TGFBR3: variants seen among roughly 807,000 people sequenced by gnomAD.
TGFBR3 encodes transforming growth factor beta receptor type 3.
In TGFBR3, 46 loss-of-function variants were observed where a neutral mutation model predicts 87.9. The ratio of observed to expected loss-of-function variants is 0.52; its 90% CI spans 0.41 to 0.67. TGFBR3 has a LOEUF of 0.67. TGFBR3 is among the 30% of genes least tolerant of loss of function. TGFBR3 has a pLI of 0.00. For missense variants in TGFBR3, 866 were observed against 1,041.9 expected (o/e 0.83, Z 2.32); for synonymous variants, 381 against 391.6 (o/e 0.97, Z 0.32).
In TGFBR3 at chr1:91,682,404, CTTTT is replaced by C. The variant is rs59188054; in HGVS notation, c.*1331_*1334del. 192 of 346,576 alleles carry C rather than the reference CTTTT, an allele frequency of 5.5e-4. No individual in the cohort carries two copies. The highest frequency in any genetic ancestry group is 1.2e-3 in the African/African-American group (45 of 37,920). The allele number at this position is 346,576 out of a possible 1,614,324, so 21.5% of individuals were successfully genotyped here. A position where few individuals can be genotyped will look rare whatever the true frequency, so the allele number is the denominator to read the frequency against. On this transcript the variant is annotated 3_prime_UTR_variant, in exon 17 of 17. Coordinates refer to ENST00000212355, the MANE Select transcript of TGFBR3 (RefSeq NM_003243.5). ...AGCATGATAATTCCCCCCTGGCATTCTTTTTTTTTTTTTTTTTTTTTAACAAGGA... is the reference window on the plus strand; with the variant it reads ...AGCATGATAATTCCCCCCTGGCATTCTTTTTTTTTTTTTTTTTAACAAGGA...
intron 2 of TGFBR3, among the ~76,000 whole-genome samples, chr1:91,858,149 G>C (rs554710052): frequency 3.3e-5 from 5 of 152,218 alleles, no homozygotes; most frequent in Middle Eastern, 3.4e-3. Flanking sequence ...GATGAAATGA[G>C]ATAATACATG....
chr1:91,760,543 G>A (rs1673922330), intron 3 of TGFBR3, among the ~76,000 whole-genome samples: 1 of 152,172 alleles, frequency 6.6e-6, no homozygotes, highest in South Asian at 2.1e-4. Flanking sequence ...ATATTTATAT[G>A]TTACCTAAAG....
chr1:91,844,546 C>T (rs1677403355), intron 2 of TGFBR3, among the ~76,000 whole-genome samples: 1 of 152,204 alleles, frequency 6.6e-6, no homozygotes, highest in Non-Finnish European at 1.5e-5. Context: ...AAATTATGAG[C>T]ACTTTTCATT....
intron 2 of TGFBR3, among the ~76,000 whole-genome samples, chr1:91,825,274 T>C (rs556125491): frequency 6.6e-6 from 1 of 152,338 alleles, no homozygotes; most frequent in African/African-American, 2.4e-5. Context: ...TTTAATGTGG[T>C]ATATACATAA....
intron 2 of TGFBR3, among the ~76,000 whole-genome samples, chr1:91,843,644 A>C (rs1411653813): frequency 6.6e-6 from 1 of 152,186 alleles, no homozygotes; most frequent in Non-Finnish European, 1.5e-5. Context: ...CCTCACAAGA[A>C]CACAACTGAG....
intron 2 of TGFBR3, among the ~76,000 whole-genome samples, chr1:91,812,265 T>C (rs1002258192): frequency 2.6e-5 from 4 of 152,228 alleles, no homozygotes; most frequent in African/African-American, 9.6e-5. Context: ...TTACTTCATC[T>C]GGCCCAAAGA....
At chr1:91,757,244 C>T (rs1357626991) in intron 4 of TGFBR3, among the ~76,000 whole-genome samples, 1 of 151,610 alleles carries the variant, frequency 6.6e-6, no homozygotes, top group African/African-American at 2.4e-5. Context: ...GTTTTGTCAG[C>T]GTTTCTTCAT....
In TGFBR3 at chr1:91,695,110, CTT is replaced by C. The variant is rs3038541; in HGVS notation, c.2437+560_2437+561del. 8.9e-3 allele frequency among the ~76,000 whole-genome samples: 1,245 copies of C among 140,046 alleles called. 18 individuals are homozygous for C. Among genetic ancestry groups the C allele is most frequent in the African/African-American group, 0.031 (1,159 of 37,402 alleles). 91.9% of individuals were successfully genotyped at this position (140,046 alleles called of 152,430 possible). On this transcript the variant is annotated intron_variant, in intron 16 of 16. Coordinates refer to ENST00000212355, the MANE Select transcript of TGFBR3 (RefSeq NM_003243.5). The stretch of plus-strand genomic sequence containing the variant: ...GAAAATGAAGTGCTCTGTTTCATCA[CTT>C]TTTTTTTTTTTTTCAGTTCATGGAA...
chr1:91,853,280 A>AAG (rs1677814090), intron 2 of TGFBR3, among the ~76,000 whole-genome samples: 2 of 149,904 alleles, frequency 1.3e-5, no homozygotes, highest in African/African-American at 4.9e-5. Flanking sequence ...AAAAAAAAAA[A>AAG]AAGAAGAAGA....
At chr1:91,809,187 A>G (rs1675942505) in intron 2 of TGFBR3, among the ~76,000 whole-genome samples, 1 of 152,232 alleles carries the variant, frequency 6.6e-6, no homozygotes, top group Non-Finnish European at 1.5e-5. Context: ...TGACATTACC[A>G]AATCTGTTCA....
chr1:91,810,793 T>C (rs1676004101), intron 2 of TGFBR3, among the ~76,000 whole-genome samples: 2 of 152,224 alleles, frequency 1.3e-5, no homozygotes, highest in Admixed American at 6.5e-5. Context: ...ATCTGCCCCA[T>C]AAGACTGTTC....
Position 91,901,767 on chromosome 1 carries a change from G to C in TGFBR3, c.-174-2070C>G, listed in dbSNP as rs79448997. Reference sequence around the variant, plus strand: ...GGTGCTTAAAAAAAAAAAAAAGTTAGCCAGACATGGTAGCATATACCTCTA... The same window carrying C: ...GGTGCTTAAAAAAAAAAAAAAGTTACCCAGACATGGTAGCATATACCTCTA... On this transcript the variant is annotated intron_variant, in intron 1 of 17. Coordinates refer to the TGFBR3 transcript ENST00000370399. 6.3e-4 allele frequency among the ~76,000 whole-genome samples: 95 copies of C among 150,214 alleles called. No homozygotes were observed. The East Asian group carries it at 0.019, about 29-fold the overall frequency.
At chr1:91,734,741 A>G (rs751180096) in intron 5 of TGFBR3, 35 bp downstream of exon 5, 1 of 1,606,860 alleles carries the variant, frequency 6.2e-7, no homozygotes, top group South Asian at 1.1e-5. Flanking sequence ...TGCCTGTCAT[A>G]AATCAGTCAT....
chr1:91,683,686 T>C lies in TGFBR3; in HGVS notation c.*53A>G. On this transcript the variant is annotated 3_prime_UTR_variant, in exon 17 of 17. Coordinates refer to ENST00000212355, the MANE Select transcript of TGFBR3 (RefSeq NM_003243.5). ...CAGCCATTGGTCCTGCCCTTGGCAGTAGCTGAGCTGAGCTGGGCTGGGCTG... is the reference window on the plus strand; with the variant it reads ...CAGCCATTGGTCCTGCCCTTGGCAGCAGCTGAGCTGAGCTGGGCTGGGCTG... 1 of 1,442,808 alleles carries C rather than the reference T, an allele frequency of 6.9e-7. No homozygotes were observed. Among genetic ancestry groups the C allele is most frequent in the Non-Finnish European group, 9.4e-7 (1 of 1,064,636 alleles). The allele number at this position is 1,442,808 out of a possible 1,614,324, so 89.4% of individuals were successfully genotyped here.
At chr1:91,723,983 A>C (rs1052242049) in intron 7 of TGFBR3, among the ~76,000 whole-genome samples, 2 of 152,220 alleles carry the variant, frequency 1.3e-5, no homozygotes, top group African/African-American at 4.8e-5. Flanking sequence ...TATTGGCTGA[A>C]GCCACATATA....
Position 91,833,618 on chromosome 1 carries a change from TA to T in TGFBR3, c.61+27852del, listed in dbSNP as rs531646944. On this transcript the variant is annotated intron_variant, in intron 2 of 16. Transcript: ENST00000212355. ...CCCCACATCTACTAAAAATAAAAAT[TA>T]AAAAAAAAATTGGCTGGGTGCGGTG... Among the ~76,000 whole-genome samples the T allele has an allele frequency of 4.8e-5, 7 of 144,634 alleles. No homozygotes were observed. The South Asian group carries it at 6.5e-4, about 13-fold the overall frequency. The allele number at this position is 144,634 out of a possible 152,430, so 94.9% of individuals were successfully genotyped here. A position where few individuals can be genotyped will look rare whatever the true frequency, so the allele number is the denominator to read the frequency against.
At chr1:91,739,955 T>C (rs1571460864) in intron 4 of TGFBR3, among the ~76,000 whole-genome samples, 2 of 152,142 alleles carry the variant, frequency 1.3e-5, no homozygotes, top group African/African-American at 4.8e-5. Context: ...AATCACTCAC[T>C]ATGACGAGAA....
intron 2 of TGFBR3, among the ~76,000 whole-genome samples, chr1:91,845,141 T>C (rs1421513314): frequency 6.6e-6 from 1 of 152,226 alleles, no homozygotes; most frequent in Non-Finnish European, 1.5e-5. Flanking sequence ...TTTGGGGGCC[T>C]TTCCTGAGTT....
chr1:91,780,894 C>CT (rs1674742718), intron 3 of TGFBR3, among the ~76,000 whole-genome samples: 1 of 98,502 alleles, frequency 1.0e-5, no homozygotes, highest in Non-Finnish European at 2.5e-5. Flanking sequence ...TACACACACA[C>CT]ACACACACAC....
Sources: gnomAD v4.1 joint callset for allele counts (sites outside exome capture counted in the v4.1 genomes callset) on GRCh38, gnomAD v4.1.1 for gene constraint, MANE v1.5 for transcripts, NCBI Gene and HGNC (gene_info 2026-07-23, HGNC 2026-07-21) for gene names.